Variants in C14orf39 observed in about 807,000 individuals in gnomAD.
The protein encoded by C14orf39 is chromosome 14 open reading frame 39.
C14orf39 carries 66 observed loss-of-function variants against 85.6 expected under a neutral mutation model. That is an observed-to-expected ratio of 0.77 (90% CI 0.63 to 0.95). The LOEUF (loss-of-function observed/expected upper bound fraction) is 0.95, where lower values mean the gene tolerates loss of function less well. Ranked by LOEUF, C14orf39 falls within the 40% of genes least tolerant of loss-of-function variation. The pLI, the probability that C14orf39 is intolerant of heterozygous loss-of-function variation, is 0.00. For missense variants in C14orf39, 735 were observed against 663.9 expected (o/e 1.11, Z -1.18); for synonymous variants, 242 against 214.0 (o/e 1.13, Z -1.14).
chr14:60,468,617 T>TTG (rs1891914016), intron 8 of C14orf39, 81 bp from the exon 9 acceptor site: 5 of 704,190 alleles, frequency 7.1e-6, no homozygotes, highest in Non-Finnish European at 1.1e-5. Flanking sequence ...TTATGTTTTT[T>TTG]CTATATAATC....
chr14:60,485,021 T>C lies in C14orf39; in HGVS notation c.49+9A>G. ...CAAAAAGCTACCTATTTTTTCACTTTATACCTACCAAATTCTAGCAAAAGT... is the reference window on the plus strand; with the variant it reads ...CAAAAAGCTACCTATTTTTTCACTTCATACCTACCAAATTCTAGCAAAAGT... On this transcript the variant is annotated intron_variant, in intron 2 of 17. Coordinates refer to ENST00000321731, the MANE Select transcript of C14orf39 (RefSeq NM_174978.3). 1.2e-6 allele frequency: 2 copies of C among 1,609,304 alleles called. No homozygotes were observed. Among genetic ancestry groups the C allele is most frequent in the South Asian group, 1.1e-5 (1 of 89,668 alleles).
At chr14:60,507,490 T>C (rs1893220388) in intron 1 of C14orf39, among the ~76,000 whole-genome samples, 1 of 152,196 alleles carries the variant, frequency 6.6e-6, no homozygotes, top group Non-Finnish European at 1.5e-5. Context: ...TTCAAGAAAA[T>C]GAACTCTTAG....
At chr14:60,462,105 GACTTATGCCTGTAATCCCAAT>G (rs1387432595) in intron 11 of C14orf39, among the ~76,000 whole-genome samples, 1 of 152,098 alleles carries the variant, frequency 6.6e-6, no homozygotes, top group Admixed American at 6.6e-5. Flanking sequence ...TGGGAGTGGT[GACTTATGCCTGTAATCCCAAT>G]ACTTTCAGGG....
intron 11 of C14orf39, 88 bp downstream of exon 11, chr14:60,465,870 ACACACACACACACACACACAC>A (rs1169953465): frequency 0.03 from 427 of 14,192 alleles, 6 homozygotes; most frequent in Non-Finnish European, 0.097. Context: ...ACACACACAC[ACACACACACACACACACACAC>A]ACGTCTGTGT....
intron 1 of C14orf39, chr14:60,509,431 C>G (rs1594631149): frequency 6.3e-7 from 1 of 1,599,664 alleles, no homozygotes. Flanking sequence ...ATTTCAGCCC[C>G]CAGCAAGTGG....
chr14:60,503,998 G>A (rs1327393169), intron 1 of C14orf39, among the ~76,000 whole-genome samples: 1 of 152,074 alleles, frequency 6.6e-6, no homozygotes, highest in Admixed American at 6.5e-5. Context: ...GTGGGGTCTG[G>A]GGGACCACTG....
chr14:60,487,514 T>TGTGTGTGTG (rs71114105), upstream of C14orf39, among the ~76,000 whole-genome samples: 3 of 151,976 alleles, frequency 2.0e-5, no homozygotes, highest in Non-Finnish European at 4.4e-5. Context: ...TGTGTGTGTG[T>TGTGTGTGTG]TTATCCATTC....
chr14:60,458,390 G>C (rs1011188740), intron 14 of C14orf39, among the ~76,000 whole-genome samples: 1 of 151,754 alleles, frequency 6.6e-6, no homozygotes, highest in African/African-American at 2.4e-5. Context: ...TTCTGTACTT[G>C]GTTTATTTTG....
At chr14:60,479,936 CAACTT>C (rs1892561480) in intron 4 of C14orf39, among the ~76,000 whole-genome samples, 1 of 152,056 alleles carries the variant, frequency 6.6e-6, no homozygotes, top group Admixed American at 6.6e-5. Context: ...AAATGGAACT[CAACTT>C]AATAGAAAAA....
Position 60,457,111 on chromosome 14 carries a change from A to C in C14orf39, c.1180-16T>G, listed in dbSNP as rs201181287. 645 of 1,501,044 alleles carry C rather than the reference A, an allele frequency of 4.3e-4. No individual in the cohort carries two copies. Among genetic ancestry groups the C allele is most frequent in the Non-Finnish European group, 5.5e-4 (613 of 1,116,434 alleles). 93.0% of individuals were successfully genotyped at this position (1,501,044 alleles called of 1,614,324 possible). Reference sequence around the variant, plus strand: ...TATATATAGCCTGCAAATTCAAAGTAACAGAAAACTATAAAACAAATGCTG... The same window carrying C: ...TATATATAGCCTGCAAATTCAAAGTCACAGAAAACTATAAAACAAATGCTG... On this transcript the variant is annotated splice_polypyrimidine_tract_variant and intron_variant, in intron 14 of 17. Transcript: ENST00000321731.
At chr14:60,453,717 C>T (rs969105880) in intron 16 of C14orf39, among the ~76,000 whole-genome samples, 2 of 151,510 alleles carry the variant, frequency 1.3e-5, no homozygotes, top group Non-Finnish European at 3.0e-5. Flanking sequence ...TAGTTCTTGA[C>T]CACTTTCCCC....
intron 16 of C14orf39, among the ~76,000 whole-genome samples, chr14:60,446,238 A>T (rs966419074): frequency 1.3e-5 from 2 of 152,212 alleles, no homozygotes; most frequent in Non-Finnish European, 2.9e-5. Flanking sequence ...AGCTAGAGAC[A>T]CAAAAAACCC....
chr14:60,437,178 T>C, intron 17 of C14orf39, 131 bp from the exon 18 acceptor site: 8 of 619,818 alleles, frequency 1.3e-5, no homozygotes, highest in Non-Finnish European at 2.2e-5. Flanking sequence ...AATACAGGTA[T>C]TTAATTGTAT....
chr14:60,460,258 G>A (rs890075626), intron 13 of C14orf39, among the ~76,000 whole-genome samples: 5 of 151,780 alleles, frequency 3.3e-5, no homozygotes, highest in Non-Finnish European at 1.5e-5. Flanking sequence ...ATTTCCCCAT[G>A]TTCCTAGAGA....
intron 16 of C14orf39, among the ~76,000 whole-genome samples, chr14:60,447,742 C>T (rs1890841219): frequency 6.6e-6 from 1 of 152,194 alleles, no homozygotes; most frequent in Non-Finnish European, 1.5e-5. Flanking sequence ...CCAAGACAAT[C>T]TTAAGCAAAA....
intron 1 of C14orf39, among the ~76,000 whole-genome samples, chr14:60,502,242 G>A (rs1893158394): frequency 6.6e-6 from 1 of 152,140 alleles, no homozygotes. Flanking sequence ...GCTTAGTCTA[G>A]TGAGGAGGTC....
At chr14:60,514,818 C>T (rs1893340141) in intron 1 of C14orf39, among the ~76,000 whole-genome samples, 1 of 152,210 alleles carries the variant, frequency 6.6e-6, no homozygotes, top group African/African-American at 2.4e-5. Flanking sequence ...CTCTATTCAA[C>T]GGGGACGCGA....
rs191200782 is a variant in C14orf39 at position 60,467,365 on chromosome 14, T to C, written c.768-321A>G. ...CCAAAACTTGTAACTACAAATAGCA[T>C]GCTTCAGATTTCATGGTACTTTAAA... On this transcript the variant is annotated intron_variant, in intron 9 of 17. Coordinates refer to ENST00000321731, the MANE Select transcript of C14orf39 (RefSeq NM_174978.3). 4.0e-3 allele frequency among the ~76,000 whole-genome samples: 609 copies of C among 151,988 alleles called. 4 individuals are homozygous for C. The highest frequency in any genetic ancestry group is 6.5e-3 in the Non-Finnish European group (441 of 67,806).
intron 2 of C14orf39, among the ~76,000 whole-genome samples, chr14:60,498,446 G>C (rs567511228): frequency 6.6e-6 from 1 of 152,308 alleles, no homozygotes; most frequent in South Asian, 2.1e-4. Context: ...GGAAAGGCCA[G>C]TTATCACCAC....
Sources: gnomAD v4.1 joint callset for allele counts (sites outside exome capture counted in the v4.1 genomes callset) on GRCh38, gnomAD v4.1.1 for gene constraint, MANE v1.5 for transcripts, NCBI Gene and HGNC (gene_info 2026-07-23, HGNC 2026-07-21) for gene names.